Variants in SPATA17 observed in about 807,000 individuals in gnomAD.
The protein encoded by SPATA17 is spermatogenesis associated 17, also known as spermatogenesis-associated protein 17.
SPATA17 carries 53 observed loss-of-function variants against 62.2 expected under a neutral mutation model. The observed-to-expected ratio is 0.85, with a 90% CI of 0.68 to 1.07. The LOEUF (loss-of-function observed/expected upper bound fraction) is 1.07, where lower values mean the gene tolerates loss of function less well. SPATA17 is among the 50% of genes least tolerant of loss of function. The pLI is 0.00. For synonymous variants in SPATA17, 146 were observed against 146.8 expected (o/e 0.99, Z 0.04); for missense variants, 466 against 425.5 (o/e 1.10, Z -0.84).
At chr1:217,814,289 C>T (rs1674663529) in intron 9 of SPATA17, among the ~76,000 whole-genome samples, 1 of 152,084 alleles carries the variant, frequency 6.6e-6, no homozygotes, top group African/African-American at 2.4e-5. Flanking sequence ...TGCAATAAAG[C>T]TTGAAACTGA....
chr1:217,735,194 G>T (rs1672484772), intron 5 of SPATA17, among the ~76,000 whole-genome samples: 1 of 152,208 alleles, frequency 6.6e-6, no homozygotes. Context: ...GTCTTAGTCA[G>T]TTTGGGCTGC....
chr1:217,820,794 A>G (rs1674838231), intron 9 of SPATA17, among the ~76,000 whole-genome samples: 1 of 152,036 alleles, frequency 6.6e-6, no homozygotes, highest in African/African-American at 2.4e-5. Flanking sequence ...AAACCATGAA[A>G]GCAGATTGTC....
Position 217,651,085 on chromosome 1 carries a change from T to G in SPATA17, c.159-12T>G, listed in dbSNP as rs769765072. On this transcript the variant is annotated splice_polypyrimidine_tract_variant and intron_variant, in intron 2 of 10. Coordinates refer to ENST00000366933, the MANE Select transcript of SPATA17 (RefSeq NM_138796.4). The stretch of plus-strand genomic sequence containing the variant: ...TGAAAGGATACTAATAAGCATATTT[T>G]TTTTATCCTAGGCATTTAAACAGGA... The G allele has an allele frequency of 1.3e-6, 2 of 1,587,898 alleles. No homozygotes were observed. Among genetic ancestry groups the G allele is most frequent in the Non-Finnish European group, 1.7e-6 (2 of 1,163,812 alleles).
intron 9 of SPATA17, among the ~76,000 whole-genome samples, chr1:217,828,909 A>G (rs1675065560): frequency 6.6e-6 from 1 of 152,142 alleles, no homozygotes; most frequent in South Asian, 2.1e-4. Context: ...TCACATCTCT[A>G]AGGATGGCCG....
intron 7 of SPATA17, among the ~76,000 whole-genome samples, chr1:217,778,365 A>G (rs771415997): frequency 3.9e-5 from 6 of 152,082 alleles, no homozygotes; most frequent in South Asian, 2.1e-4. Flanking sequence ...TACTAAAAAT[A>G]CAAAAATTAG....
intron 7 of SPATA17, among the ~76,000 whole-genome samples, chr1:217,776,815 G>A (rs1307410291): frequency 6.6e-6 from 1 of 152,032 alleles, no homozygotes; most frequent in Non-Finnish European, 1.5e-5. Context: ...TCATGCCTCA[G>A]CCCCTCCTCA....
intron 4 of SPATA17, among the ~76,000 whole-genome samples, chr1:217,682,855 G>A (rs1671119042): frequency 6.6e-6 from 1 of 151,382 alleles, no homozygotes; most frequent in Non-Finnish European, 1.5e-5. Flanking sequence ...CCATTAATAA[G>A]ACAAAATACA....
At chr1:217,728,082 A>G (rs1672310482) in intron 5 of SPATA17, among the ~76,000 whole-genome samples, 1 of 152,174 alleles carries the variant, frequency 6.6e-6, no homozygotes, top group African/African-American at 2.4e-5. Flanking sequence ...TTGTAAATTC[A>G]ACTTATAAGA....
chr1:217,750,442 G>A (rs1216348587), intron 6 of SPATA17, among the ~76,000 whole-genome samples: 3 of 152,172 alleles, frequency 2.0e-5, no homozygotes, highest in Admixed American at 2.0e-4. Context: ...GCACTAAAAA[G>A]AATATTAAGA....
At chr1:217,668,953 C>A (rs1322367598) in intron 3 of SPATA17, 80 bp from the exon 4 acceptor site, 1 of 1,211,168 alleles carries the variant, frequency 8.3e-7, no homozygotes, top group African/African-American at 1.5e-5. Flanking sequence ...TATAAAGATT[C>A]TTATCTTTTA....
intron 4 of SPATA17, among the ~76,000 whole-genome samples, chr1:217,674,295 TCTCC>T: frequency 6.6e-6 from 1 of 152,294 alleles, no homozygotes; most frequent in African/African-American, 2.4e-5. Context: ...TTTCTTTGGT[TCTCC>T]CTCTTTCTAA....
intron 6 of SPATA17, among the ~76,000 whole-genome samples, chr1:217,754,838 T>C (rs1571783218): frequency 6.6e-6 from 1 of 152,122 alleles, no homozygotes; most frequent in East Asian, 1.9e-4. Context: ...TGAAATACAA[T>C]ATGCCCTTTA....
At chr1:217,721,724 C>T (rs1011768681) in intron 5 of SPATA17, among the ~76,000 whole-genome samples, 1 of 152,106 alleles carries the variant, frequency 6.6e-6, no homozygotes, top group African/African-American at 2.4e-5. Flanking sequence ...ATATGGGAGG[C>T]AAGAAAAACA....
chr1:217,779,974 A>G (rs1262367586), intron 7 of SPATA17, among the ~76,000 whole-genome samples: 1 of 152,166 alleles, frequency 6.6e-6, no homozygotes, highest in Non-Finnish European at 1.5e-5. Flanking sequence ...ACATTAAAAA[A>G]CCATAGCTAA....
chr1:217,792,167 T>A (rs1264433714), intron 8 of SPATA17, among the ~76,000 whole-genome samples: 2 of 152,162 alleles, frequency 1.3e-5, no homozygotes, highest in Non-Finnish European at 2.9e-5. Flanking sequence ...TTAGACAAGT[T>A]TGCTATAAAC....
chr1:217,727,375 G>A (rs1377700430), intron 5 of SPATA17, among the ~76,000 whole-genome samples: 1 of 151,442 alleles, frequency 6.6e-6, no homozygotes, highest in Non-Finnish European at 1.5e-5. Flanking sequence ...CTCTCATTGA[G>A]ATATGGAAGT....
chr1:217,716,350 G>A lies in SPATA17; in HGVS notation c.396-25625G>A, dbSNP rs77359369. On this transcript the variant is annotated intron_variant, in intron 5 of 10. Coordinates refer to ENST00000366933, the MANE Select transcript of SPATA17 (RefSeq NM_138796.4). ...TGTGCAGCACCTAAAAATCAAAGCAGCAACTTAGGGTAAAAATCTACAGGG... is the reference window on the plus strand; with the variant it reads ...TGTGCAGCACCTAAAAATCAAAGCAACAACTTAGGGTAAAAATCTACAGGG... Among the ~76,000 whole-genome samples the A allele has an allele frequency of 8.2e-3, 1,242 of 152,268 alleles. 10 individuals are homozygous for A. Among genetic ancestry groups the A allele is most frequent in the African/African-American group, 0.027 (1,113 of 41,568 alleles).
At chr1:217,643,617 T>TTTC (rs1373314519) in intron 1 of SPATA17, among the ~76,000 whole-genome samples, 1 of 152,054 alleles carries the variant, frequency 6.6e-6, no homozygotes, top group East Asian at 1.9e-4. Flanking sequence ...GTGCCCTACT[T>TTTC]TTCCTGCCCA....
At chr1:217,794,232 A>G (rs1232847787) in intron 8 of SPATA17, among the ~76,000 whole-genome samples, 2 of 152,182 alleles carry the variant, frequency 1.3e-5, no homozygotes, top group Non-Finnish European at 1.5e-5. Context: ...ACTATCACCT[A>G]GTTGTTACTT....
Sources: allele counts gnomAD v4.1 joint callset (sites outside exome capture counted in the v4.1 genomes callset), GRCh38; gene constraint gnomAD v4.1.1; transcripts MANE v1.5; gene names NCBI Gene and HGNC (gene_info 2026-07-23, HGNC 2026-07-21).